ABCB5: variants seen among roughly 807,000 people sequenced by gnomAD.
ABCB5 encodes the protein ATP binding cassette subfamily B member 5.
Under a neutral mutation model 144.2 loss-of-function variants are expected in ABCB5, and 155 were observed. That is an observed-to-expected ratio of 1.08 (90% CI 0.94 to 1.23). ABCB5 has a LOEUF of 1.23. Among genes scored for constraint, ABCB5 ranks in the 50% most tolerant of loss-of-function variants. The pLI, the probability that ABCB5 is intolerant of heterozygous loss-of-function variation, is 0.00. For missense variants in ABCB5, 1,830 were observed against 1,520.8 expected (o/e 1.20, Z -3.38); for synonymous variants, 610 against 528.6 (o/e 1.15, Z -2.11).
chr7:20,712,766 G>A (rs1160934011), intron 20 of ABCB5, among the ~76,000 whole-genome samples: 1 of 149,068 alleles, frequency 6.7e-6, no homozygotes, highest in Non-Finnish European at 1.5e-5. Context: ...TACATTGGTA[G>A]TAGCTTTTTA....
intron 1 of ABCB5, among the ~76,000 whole-genome samples, chr7:20,617,695 A>C (rs1783717302): frequency 6.6e-6 from 1 of 152,216 alleles, no homozygotes; most frequent in Non-Finnish European, 1.5e-5. Flanking sequence ...AAAAATATAT[A>C]ATCTAACTGT....
intron 21 of ABCB5, among the ~76,000 whole-genome samples, chr7:20,725,396 T>C (rs1408921530): frequency 1.3e-5 from 2 of 152,180 alleles, no homozygotes; most frequent in African/African-American, 4.8e-5. Context: ...CTGACCAACA[T>C]GGTGAAACCC....
chr7:20,720,170 G>T (rs990597653), intron 20 of ABCB5, among the ~76,000 whole-genome samples: 5 of 152,138 alleles, frequency 3.3e-5, no homozygotes, highest in Admixed American at 3.3e-4. Flanking sequence ...TTCCAAAACT[G>T]ATAGGTATAT....
intron 21 of ABCB5, among the ~76,000 whole-genome samples, chr7:20,725,904 C>G (rs1400773690): frequency 6.6e-6 from 1 of 152,110 alleles, no homozygotes; most frequent in Non-Finnish European, 1.5e-5. Context: ...GAGCAGAATC[C>G]TGGTGTCCTC....
rs377383887 is a variant in ABCB5 at position 20,675,557 on chromosome 7, T to C, written c.1708-5948T>C. 5.9e-5 allele frequency among the ~76,000 whole-genome samples: 9 copies of C among 152,162 alleles called. No individual in the cohort carries two copies. The East Asian group carries it at 9.6e-4, about 16-fold the overall frequency. On this transcript the variant is annotated intron_variant, in intron 14 of 27. Coordinates refer to ENST00000404938, the MANE Select transcript of ABCB5 (RefSeq NM_001163941.2). ...ACTTAAAATGAAACTGTAAAACTCT[T>C]AGAAGTAAACGTAGTGGGAAAGCTT...
At chr7:20,669,123 C>T (rs1262853603) in intron 14 of ABCB5, among the ~76,000 whole-genome samples, 2 of 150,950 alleles carry the variant, frequency 1.3e-5, no homozygotes, top group South Asian at 2.1e-4. Flanking sequence ...GCCCCCCACC[C>T]GGCCAGCTGC....
At chr7:20,744,411 C>T (rs910583614) in intron 25 of ABCB5, among the ~76,000 whole-genome samples, 9 of 152,114 alleles carry the variant, frequency 5.9e-5, no homozygotes, top group African/African-American at 2.2e-4. Context: ...CAGGCTCCTT[C>T]TCACTGTTCA....
chr7:20,640,114 A>C (rs1190111263), intron 5 of ABCB5, among the ~76,000 whole-genome samples: 1 of 152,314 alleles, frequency 6.6e-6, no homozygotes, highest in Non-Finnish European at 1.5e-5. Context: ...CATTAAAAAA[A>C]ATTCAACAAG....
At chr7:20,737,355 C>T (rs889660581) in intron 23 of ABCB5, among the ~76,000 whole-genome samples, 4 of 152,124 alleles carry the variant, frequency 2.6e-5, no homozygotes, top group East Asian at 3.9e-4. Context: ...CCTTCTCTAA[C>T]TGAACCCTTT....
chr7:20,710,494 C>G (rs1786994013), intron 20 of ABCB5, among the ~76,000 whole-genome samples: 1 of 147,438 alleles, frequency 6.8e-6, no homozygotes, highest in Non-Finnish European at 1.5e-5. Context: ...TGATTTTTTC[C>G]TAACCATTAA....
At chr7:20,712,394 G>T (rs933962306) in intron 20 of ABCB5, among the ~76,000 whole-genome samples, 5 of 148,638 alleles carry the variant, frequency 3.4e-5, no homozygotes, top group Non-Finnish European at 7.5e-5. Flanking sequence ...GAAATTCTTA[G>T]ATTTATGGGC....
intron 4 of ABCB5, among the ~76,000 whole-genome samples, chr7:20,631,771 C>T (rs1459381287): frequency 6.6e-6 from 1 of 152,078 alleles, no homozygotes; most frequent in East Asian, 1.9e-4. Flanking sequence ...TATTACTTTC[C>T]TGATTGTTGT....
intron 5 of ABCB5, among the ~76,000 whole-genome samples, chr7:20,640,384 T>C (rs1004060): frequency 0.28 from 42,655 of 151,896 alleles, 6,302 homozygotes; most frequent in African/African-American, 0.37. Context: ...ATTTAATGTG[T>C]GTTGGTGATT....
intron 14 of ABCB5, among the ~76,000 whole-genome samples, chr7:20,679,518 A>G (rs889869118): frequency 3.3e-5 from 5 of 151,402 alleles, no homozygotes; most frequent in Non-Finnish European, 7.4e-5. Context: ...TGAAAAGACA[A>G]TCACATAAAC....
In ABCB5 at chr7:20,699,884, A is replaced by G; in HGVS notation, c.2214A>G (p.Ile738Met). The change falls in exon 18 of 28, where the codon ATA becomes ATG. Residue 738 changes from isoleucine (I) to methionine (M), a missense_variant. Transcript: ENST00000404938. ...ATGATGCAGAAATTTATTCCATGAT[A>G]TTCGTCATTTTGGGTGTTATTTGCT... ...LKHDAEIYSM[I>M]FVILGVICFV... 1.2e-6 allele frequency: 2 copies of G among 1,612,878 alleles called. No individual in the cohort carries two copies. The highest frequency in any genetic ancestry group is 1.7e-6 in the Non-Finnish European group (2 of 1,179,338).
At chr7:20,652,411 G>C (rs1453871450) in intron 13 of ABCB5, among the ~76,000 whole-genome samples, 2 of 151,992 alleles carry the variant, frequency 1.3e-5, no homozygotes, top group African/African-American at 2.4e-5. Flanking sequence ...CTACTAAAAA[G>C]ACAAAAAAAT....
chr7:20,736,361 G>A (rs1045808910), intron 23 of ABCB5, among the ~76,000 whole-genome samples: 3 of 152,090 alleles, frequency 2.0e-5, no homozygotes, highest in Non-Finnish European at 4.4e-5. Flanking sequence ...AGCATTACAG[G>A]TGTGTGCCAA....
intron 23 of ABCB5, among the ~76,000 whole-genome samples, chr7:20,731,292 G>A (rs1782204876): frequency 6.7e-6 from 1 of 150,222 alleles, no homozygotes; most frequent in African/African-American, 2.5e-5. Context: ...GGTGGAGGTT[G>A]CAGTGAGCCG....
intron 16 of ABCB5, among the ~76,000 whole-genome samples, chr7:20,691,027 T>C (rs977103821): frequency 2.0e-5 from 3 of 152,106 alleles, no homozygotes; most frequent in African/African-American, 4.8e-5. Flanking sequence ...GCTTCTGACA[T>C]TGGACATCAT....
Sources: allele counts gnomAD v4.1 joint callset (sites outside exome capture counted in the v4.1 genomes callset), GRCh38; gene constraint gnomAD v4.1.1; transcripts MANE v1.5; gene names NCBI Gene and HGNC (gene_info 2026-07-23, HGNC 2026-07-21).